Variants in DCTD observed in about 807,000 individuals in gnomAD.
DCTD encodes dCMP deaminase.
Under a neutral mutation model 21.0 loss-of-function variants are expected in DCTD, and 23 were observed. The ratio of observed to expected loss-of-function variants is 1.09; its 90% confidence interval spans 0.79 to 1.55. DCTD has a LOEUF of 1.55. Among genes scored for constraint, DCTD ranks in the 40% most tolerant of loss-of-function variants. The probability of loss-of-function intolerance (pLI) is 0.00; values close to 1 mark genes in which losing one functional copy is unlikely to be tolerated. For missense variants in DCTD, 224 were observed against 230.0 expected (o/e 0.97, Z 0.17); for synonymous variants, 71 against 81.1 (o/e 0.88, Z 0.67).
intron 4 of DCTD, among the ~76,000 whole-genome samples, chr4:182,893,396 G>A (rs549472920): frequency 1.1e-4 from 16 of 152,228 alleles, no homozygotes; most frequent in South Asian, 8.3e-4. Context: ...GCCTTGATCC[G>A]ATTAACCAAT....
At chr4:182,896,836 T>C (rs1734817208) in intron 3 of DCTD, among the ~76,000 whole-genome samples, 1 of 152,206 alleles carries the variant, frequency 6.6e-6, no homozygotes, top group Non-Finnish European at 1.5e-5. Flanking sequence ...GCCATGAACA[T>C]AATGGGTGTT....
At position 182,890,557 on chromosome 4, in the gene DCTD, G is replaced by A. The variant is rs1290430198; in HGVS notation, c.*842C>T. On this transcript the variant is annotated 3_prime_UTR_variant, in exon 6 of 6. Coordinates refer to ENST00000438320, the MANE Select transcript of DCTD (RefSeq NM_001921.3). ...AGGAGGGGCAACACATCCATGTTGG[G>A]GACCCCTCCCATCCACAGCCCCAGC... 1 of 152,234 alleles carries A rather than the reference G, an allele frequency of 6.6e-6. No individual in the cohort carries two copies. The highest frequency in any genetic ancestry group is 1.5e-5 in the Non-Finnish European group (1 of 68,058). 9.4% of individuals were successfully genotyped at this position (152,234 alleles called of 1,614,324 possible).
In DCTD at chr4:182,899,681, A is replaced by G. The variant is rs553830532; in HGVS notation, c.245-5076T>C. The stretch of plus-strand genomic sequence containing the variant: ...CTCCAAAAGTGCTGGGATTACAGGC[A>G]TGAGCCACCGCGCCCGGCCAGTCAC... On this transcript the variant is annotated intron_variant, in intron 3 of 5. Transcript: ENST00000438320. Among the ~76,000 whole-genome samples the G allele has an allele frequency of 1.9e-3, 294 of 152,192 alleles. 4 individuals are homozygous for G. The highest frequency in any genetic ancestry group is 6.8e-3 in the African/African-American group (283 of 41,542).
At chr4:182,897,286 T>C (rs1277966454) in intron 3 of DCTD, among the ~76,000 whole-genome samples, 1 of 151,332 alleles carries the variant, frequency 6.6e-6, no homozygotes, top group Non-Finnish European at 1.5e-5. Flanking sequence ...GTAAAGCTTC[T>C]TGTTAAAAAA....
intron 2 of DCTD, 98 bp downstream of exon 2, chr4:182,915,363 T>C (rs1347977231): frequency 2.3e-6 from 2 of 879,810 alleles, no homozygotes; most frequent in Non-Finnish European, 3.8e-6. Flanking sequence ...CCTGCACTTT[T>C]AAGTTGACAG....
At chr4:182,915,937 T>G (rs1738653950) in intron 1 of DCTD, 2 of 1,020,900 alleles carry the variant, frequency 2.0e-6, no homozygotes, top group Non-Finnish European at 2.4e-6. Flanking sequence ...AAGAAATATT[T>G]ATTGATCATC....
At position 182,917,335 on chromosome 4, in the gene DCTD, G is replaced by A. The variant is rs1431555589; in HGVS notation, c.-32C>T. ...CCATCCGGTGCCGGCTCCGCGCGCA[G>A]GCCGGTGCTCGTCCCCGCCGCCGCC... On this transcript the variant is annotated 5_prime_UTR_variant, in exon 1 of 6. Transcript: ENST00000438320. This position sits in a 1 kb window ranked among gnomAD's most constrained non-coding sequence, Gnocchi z 4.9. 6.4e-6 allele frequency: 7 copies of A among 1,095,058 alleles called. No homozygotes were observed. The highest frequency in any genetic ancestry group is 7.8e-6 in the Non-Finnish European group (7 of 901,452). 67.8% of individuals were successfully genotyped at this position (1,095,058 alleles called of 1,614,324 possible).
At chr4:182,913,513 T>C (rs1368096720) in intron 3 of DCTD, among the ~76,000 whole-genome samples, 3 of 152,344 alleles carry the variant, frequency 2.0e-5, no homozygotes, top group African/African-American at 4.8e-5. Flanking sequence ...TCCAGGAACA[T>C]TAGTAAAAAT....
chr4:182,891,449 C>A lies in DCTD; in HGVS notation c.487G>T (p.Val163Phe), dbSNP rs902533637. Residue 163 changes from valine (V) to phenylalanine (F), a missense_variant, in exon 6 of 6, where the codon GTC becomes TTC. Val to Phe is a conservative substitution (Grantham distance 50). Coordinates refer to ENST00000438320, the MANE Select transcript of DCTD (RefSeq NM_001921.3). ...CTGTTAATTGAATCAAAGTCAATGA[C>A]AATCTTGCTGCACTTCGGTATGAAT... is the stretch of plus-strand genomic sequence containing the variant. ...RKFIPKCSKI[V>F]IDFDSINSRP... 1.2e-6 allele frequency: 2 copies of A among 1,612,142 alleles called. No homozygotes were observed. The highest frequency in any genetic ancestry group is 2.7e-5 in the African/African-American group (2 of 74,892).
Position 182,917,204 on chromosome 4 carries a change from GC to G in DCTD, c.-8+106del. ...GCGCCCCCAGCGTCCGCGGCCCCAGGCCCCCGCCCGGCAGCCAGCGCCCCGC... is the reference window on the plus strand; with the variant it reads ...GCGCCCCCAGCGTCCGCGGCCCCAGGCCCCGCCCGGCAGCCAGCGCCCCGC... On this transcript the variant is annotated intron_variant, in intron 1 of 5. Coordinates refer to ENST00000438320, the MANE Select transcript of DCTD (RefSeq NM_001921.3). The surrounding 1 kb of genome is among the most constrained non-coding windows in gnomAD (Gnocchi z 4.9). The G allele has an allele frequency of 1.0e-6, 1 of 993,174 alleles. No individual in the cohort carries two copies. The highest frequency in any genetic ancestry group is 1.2e-6 in the Non-Finnish European group (1 of 835,806). 61.5% of individuals were successfully genotyped at this position (993,174 alleles called of 1,614,324 possible).
chr4:182,892,566 T>C (rs890133909), intron 5 of DCTD, among the ~76,000 whole-genome samples: 4 of 151,822 alleles, frequency 2.6e-5, no homozygotes, highest in Admixed American at 2.0e-4. Context: ...GAAGCGGAGG[T>C]TGCAGTGAGC....
intron 3 of DCTD, among the ~76,000 whole-genome samples, chr4:182,912,486 G>C (rs936213140): frequency 6.6e-6 from 1 of 152,148 alleles, no homozygotes; most frequent in Non-Finnish European, 1.5e-5. Context: ...AAAGAGCTTT[G>C]AAAACCTAGA....
chr4:182,908,036 TAA>T (rs35563105), intron 3 of DCTD, among the ~76,000 whole-genome samples: 2,338 of 143,440 alleles, frequency 0.016, 53 homozygotes, highest in African/African-American at 0.056. Context: ...CTATCCAGAT[TAA>T]AAAAAAAAAA....
At chr4:182,907,150 T>A (rs902908580) in intron 3 of DCTD, among the ~76,000 whole-genome samples, 2 of 152,238 alleles carry the variant, frequency 1.3e-5, no homozygotes, top group South Asian at 4.1e-4. Flanking sequence ...CTTAATTTTT[T>A]TGAGACAGGG....
intron 3 of DCTD, among the ~76,000 whole-genome samples, chr4:182,903,197 G>A (rs1305293193): frequency 6.6e-6 from 1 of 152,172 alleles, no homozygotes; most frequent in East Asian, 1.9e-4. Context: ...ACTCAGAACA[G>A]GACCTGTTTC....
intron 3 of DCTD, among the ~76,000 whole-genome samples, chr4:182,902,187 C>T (rs1403410912): frequency 6.6e-6 from 1 of 152,144 alleles, no homozygotes; most frequent in Non-Finnish European, 1.5e-5. Flanking sequence ...ACGGAATAGC[C>T]GCGACAGTTA....
intron 3 of DCTD, among the ~76,000 whole-genome samples, chr4:182,906,396 G>T (rs1736725683): frequency 6.6e-6 from 1 of 152,152 alleles, no homozygotes. Flanking sequence ...CAAAAACAGA[G>T]ACCCTCCCAT....
rs1201804124 is a variant in DCTD at position 182,915,055 on chromosome 4, C to G, written c.112G>C (p.Gly38Arg). ...QRSKDPNSQV[G>R]ACIVNSENKI... ...TTTTCTGAATTCACGATGCAGGCGCCGACCTAGAAGGAAACATGCCCAAAG... is the reference window on the plus strand; with the variant it reads ...TTTTCTGAATTCACGATGCAGGCGCGGACCTAGAAGGAAACATGCCCAAAG... The change falls in exon 3 of 6, where the codon GGC becomes CGC. Residue 38 changes from glycine to arginine, a missense_variant. Physicochemically the swap from Gly to Arg is moderately radical, Grantham distance 125. Coordinates refer to ENST00000438320, the MANE Select transcript of DCTD (RefSeq NM_001921.3). 1 of 1,614,236 alleles carries G rather than the reference C, an allele frequency of 6.2e-7. No homozygotes were observed. Among genetic ancestry groups the G allele is most frequent in the Non-Finnish European group, 8.5e-7 (1 of 1,180,048 alleles).
In DCTD at chr4:182,890,953, T is replaced by C. The variant is rs897572458; in HGVS notation, c.*446A>G. 4 of 157,032 alleles carry C rather than the reference T, an allele frequency of 2.5e-5. No individual in the cohort carries two copies. The highest frequency in any genetic ancestry group is 4.2e-5 in the Non-Finnish European group (3 of 70,906). The allele number at this position is 157,032 out of a possible 1,614,324, so 9.7% of individuals were successfully genotyped here. Reference sequence around the variant, plus strand: ...CTTCCAAGGGCACTATATGCCATGCTTCACTTGGGCCAGATGTTCAGATCA... The same window carrying C: ...CTTCCAAGGGCACTATATGCCATGCCTCACTTGGGCCAGATGTTCAGATCA... On this transcript the variant is annotated 3_prime_UTR_variant, in exon 6 of 6. Coordinates refer to ENST00000438320, the MANE Select transcript of DCTD (RefSeq NM_001921.3).
Sources: allele counts gnomAD v4.1 joint callset (sites outside exome capture counted in the v4.1 genomes callset), GRCh38; gene constraint gnomAD v4.1.1; non-coding constraint Gnocchi (gnomAD v3.1); transcripts MANE v1.5; gene names NCBI Gene and HGNC (gene_info 2026-07-23, HGNC 2026-07-21).